The following SYT1 variants were observed in gnomAD, a reference collection of about 807,000 sequenced individuals.
SYT1 encodes the protein synaptotagmin-1.
Under a neutral mutation model 44.8 loss-of-function variants are expected in SYT1, and 8 were observed. That is an observed-to-expected ratio of 0.18 (90% CI 0.10 to 0.32). The LOEUF is 0.32. Ranked by LOEUF, SYT1 falls within the 10% of genes least tolerant of loss-of-function variation. The probability of loss-of-function intolerance (pLI) is 1.00; values close to 1 mark genes in which losing one functional copy is unlikely to be tolerated. For missense variants in SYT1, 286 were observed against 509.3 expected (o/e 0.56, Z 4.22); for synonymous variants, 154 against 188.8 (o/e 0.82, Z 1.51).
At chr12:79,259,849 T>C (rs1204451396) in intron 4 of SYT1, among the ~76,000 whole-genome samples, 1 of 152,242 alleles carries the variant, frequency 6.6e-6, no homozygotes, top group Non-Finnish European at 1.5e-5. Flanking sequence ...TTATTTTTTC[T>C]ATAAGTATCC....
intron 9 of SYT1, among the ~76,000 whole-genome samples, chr12:79,428,623 C>T (rs998903330): frequency 1.6e-4 from 25 of 152,028 alleles, no homozygotes; most frequent in Middle Eastern, 6.3e-3. Context: ...AGGAGGGGGA[C>T]GGGACAGGGC....
chr12:79,208,053 T>TA lies in SYT1; in HGVS notation c.-17-9449dup, dbSNP rs541275049. The stretch of plus-strand genomic sequence containing the variant: ...AGCTATTTGTTCATTTTGAGAAACT[T>TA]ACAGCTGCATCTCTCTGCACGTATC... On this transcript the variant is annotated intron_variant, in intron 3 of 10. Transcript: ENST00000261205. Among the ~76,000 whole-genome samples, 74 of 152,300 alleles carry TA rather than the reference T, an allele frequency of 4.9e-4. No individual in the cohort carries two copies. The East Asian group carries it at 0.012, about 25-fold the overall frequency.
intron 2 of SYT1, among the ~76,000 whole-genome samples, chr12:79,043,263 G>A (rs569014058): frequency 1.3e-5 from 2 of 149,310 alleles, no homozygotes; most frequent in Non-Finnish European, 3.0e-5. Flanking sequence ...GGGAGTCTAA[G>A]TCTCTTTGTG....
chr12:79,095,884 C>T (rs1304499248), intron 3 of SYT1, among the ~76,000 whole-genome samples: 1 of 151,830 alleles, frequency 6.6e-6, no homozygotes, highest in Non-Finnish European at 1.5e-5. Flanking sequence ...AGGGTAAAAA[C>T]ACATACAAAT....
At chr12:78,970,998 T>A (rs7134923) in intron 1 of SYT1, among the ~76,000 whole-genome samples, 24,089 of 151,938 alleles carry the variant, frequency 0.16, 2,247 homozygotes, top group African/African-American at 0.26. Flanking sequence ...AAATAAAATT[T>A]AAAAAAATAC....
chr12:78,887,064 T>C (rs1427230584), intron 1 of SYT1, among the ~76,000 whole-genome samples: 2 of 152,046 alleles, frequency 1.3e-5, no homozygotes, highest in Non-Finnish European at 2.9e-5. Flanking sequence ...GATTTCACTT[T>C]CTGTGGTTTC....
intron 3 of SYT1, among the ~76,000 whole-genome samples, chr12:79,179,609 G>T (rs925483346): frequency 6.7e-6 from 1 of 149,154 alleles, no homozygotes; most frequent in Non-Finnish European, 1.5e-5. Flanking sequence ...TAATAGAGAC[G>T]GGATTTCTCC....
intron 3 of SYT1, among the ~76,000 whole-genome samples, chr12:79,123,745 G>A (rs1868323996): frequency 6.6e-6 from 1 of 152,060 alleles, no homozygotes; most frequent in South Asian, 2.1e-4. Context: ...AAACCTGAAT[G>A]AGCTCAAATT....
intron 9 of SYT1, among the ~76,000 whole-genome samples, chr12:79,409,372 G>A (rs1028940795): frequency 4.6e-5 from 7 of 152,068 alleles, no homozygotes; most frequent in African/African-American, 1.7e-4. Context: ...AAAAAGGTAT[G>A]TCTAAATTTT....
chr12:79,066,824 C>CAT (rs1361255301), intron 3 of SYT1, among the ~76,000 whole-genome samples: 1 of 152,164 alleles, frequency 6.6e-6, no homozygotes, highest in East Asian at 1.9e-4. Flanking sequence ...GTTCCCCTTG[C>CAT]ATAATCCATT....
At chr12:78,901,398 T>C (rs1875656639) in intron 1 of SYT1, among the ~76,000 whole-genome samples, 2 of 152,140 alleles carry the variant, frequency 1.3e-5, no homozygotes, top group Admixed American at 6.6e-5. Context: ...CAGACATGAA[T>C]GTCTGCCAAA....
intron 9 of SYT1, among the ~76,000 whole-genome samples, chr12:79,407,916 C>T (rs939400349): frequency 6.6e-6 from 1 of 152,092 alleles, no homozygotes; most frequent in African/African-American, 2.4e-5. Context: ...CCCAGAAGAA[C>T]AACAGTTTTA....
chr12:78,905,817 G>T (rs1297114115), intron 1 of SYT1, among the ~76,000 whole-genome samples: 4 of 151,650 alleles, frequency 2.6e-5, no homozygotes, highest in Non-Finnish European at 4.4e-5. Context: ...GCTATTAAAA[G>T]TGTTGTAAAT....
chr12:79,220,866 G>T (rs1194924976), intron 4 of SYT1, among the ~76,000 whole-genome samples: 1 of 152,084 alleles, frequency 6.6e-6, no homozygotes, highest in Non-Finnish European at 1.5e-5. Flanking sequence ...CTATTCTGAG[G>T]AATGTTTCAT....
At chr12:79,200,208 T>G (rs1446550828) in intron 3 of SYT1, among the ~76,000 whole-genome samples, 1 of 152,146 alleles carries the variant, frequency 6.6e-6, no homozygotes, top group African/African-American at 2.4e-5. Flanking sequence ...CATTTTATAA[T>G]AATTGATAAA....
rs371085001 is a variant in SYT1 at position 78,919,453 on chromosome 12, G to A, written c.-217+54344G>A. 3.4e-4 allele frequency among the ~76,000 whole-genome samples: 52 copies of A among 152,188 alleles called. No homozygotes were observed. The East Asian group carries it at 8.0e-3, about 23-fold the overall frequency. ...AACTCTTCCACTTGACAATCGATCT[G>A]TGCCACAGCCTTTGACCCCTGGGCT... On this transcript the variant is annotated intron_variant, in intron 1 of 10. Transcript: ENST00000261205.
chr12:78,982,174 C>G (rs142416709), intron 2 of SYT1, among the ~76,000 whole-genome samples: 1 of 152,158 alleles, frequency 6.6e-6, no homozygotes, highest in East Asian at 1.9e-4. Context: ...AATTGAAGAC[C>G]TGCAGTATAT....
intron 3 of SYT1, among the ~76,000 whole-genome samples, chr12:79,077,492 C>G (rs1273057617): frequency 6.6e-6 from 1 of 152,044 alleles, no homozygotes; most frequent in Non-Finnish European, 1.5e-5. Flanking sequence ...TCTGACCGAT[C>G]CAAATAGTGA....
chr12:79,026,702 T>TATATATATATATATATATATAAAA (rs34140383), intron 2 of SYT1, among the ~76,000 whole-genome samples: 85 of 125,270 alleles, frequency 6.8e-4, no homozygotes, highest in East Asian at 1.8e-3. Flanking sequence ...TATATATATA[T>TATATATATATATATATATATAAAA]CACACTTTCA....
Sources: allele counts gnomAD v4.1 joint callset (sites outside exome capture counted in the v4.1 genomes callset), GRCh38; gene constraint gnomAD v4.1.1; transcripts MANE v1.5; gene names NCBI Gene and HGNC (gene_info 2026-07-23, HGNC 2026-07-21).